CAMK1D: variants seen among roughly 807,000 people sequenced by gnomAD.
CAMK1D encodes the protein calcium/calmodulin-dependent protein kinase type 1D.
A neutral mutation model predicts 47.7 loss-of-function variants in CAMK1D; 9 were observed. The observed-to-expected ratio is 0.19, with a 90% confidence interval of 0.11 to 0.33. The LOEUF (loss-of-function observed/expected upper bound fraction) is 0.33, where lower values mean the gene tolerates loss of function less well. CAMK1D is among the 10% of genes least tolerant of loss of function. The pLI is 1.00. For synonymous variants in CAMK1D, 184 were observed against 184.9 expected (o/e 0.99, Z 0.04); for missense variants, 291 against 488.7 (o/e 0.60, Z 3.81).
chr10:12,428,464 G>GTT (rs1237173399), intron 1 of CAMK1D, among the ~76,000 whole-genome samples: 29 of 152,062 alleles, frequency 1.9e-4, no homozygotes, highest in Non-Finnish European at 3.8e-4. Flanking sequence ...CAAGGTGCCC[G>GTT]TTTCTCTCTC....
intron 3 of CAMK1D, among the ~76,000 whole-genome samples, chr10:12,697,485 G>T (rs535509563): frequency 2.6e-5 from 4 of 152,122 alleles, no homozygotes; most frequent in African/African-American, 9.7e-5. Flanking sequence ...TGCAACCTCC[G>T]CCTTCCCAGT....
chr10:12,800,678 A>C (rs1838386484), intron 6 of CAMK1D, among the ~76,000 whole-genome samples: 1 of 152,222 alleles, frequency 6.6e-6, no homozygotes, highest in African/African-American at 2.4e-5. Flanking sequence ...AACTGCATAA[A>C]AAATACTCCT....
intron 5 of CAMK1D, among the ~76,000 whole-genome samples, chr10:12,784,443 C>T (rs1322187274): frequency 6.6e-6 from 1 of 152,148 alleles, no homozygotes; most frequent in Non-Finnish European, 1.5e-5. Context: ...GGTGATTCAT[C>T]CTCCTTGGCC....
At chr10:12,428,200 G>A (rs1290738340) in intron 1 of CAMK1D, among the ~76,000 whole-genome samples, 1 of 151,974 alleles carries the variant, frequency 6.6e-6, no homozygotes, top group African/African-American at 2.4e-5. Context: ...AGGCCCAGGT[G>A]TGTGATGTTC....
In CAMK1D at chr10:12,804,279, T is replaced by G. The variant is rs185582193; in HGVS notation, c.642-9916T>G. On this transcript the variant is annotated intron_variant, in intron 6 of 10. Transcript: ENST00000619168. ...AGCATAAATATTTCACACAAAGTAT[T>G]TCTTGTTCATCAAAGAATAATCGAT... Among the ~76,000 whole-genome samples, 325 of 152,336 alleles carry G rather than the reference T, an allele frequency of 2.1e-3. 2 individuals carry two copies. Among genetic ancestry groups the G allele is most frequent in the African/African-American group, 7.4e-3 (309 of 41,582 alleles).
At chr10:12,448,652 C>A (rs2768450) in intron 1 of CAMK1D, among the ~76,000 whole-genome samples, 150,326 of 152,330 alleles carry the variant, frequency 0.99, 74,212 homozygotes, top group Middle Eastern at 1. Context: ...AAGTGAAAAA[C>A]ATTTTTTCGA....
chr10:12,393,109 C>T (rs955993808), intron 1 of CAMK1D, among the ~76,000 whole-genome samples: 1 of 151,438 alleles, frequency 6.6e-6, no homozygotes, highest in African/African-American at 2.4e-5. Flanking sequence ...TCTGCTCACT[C>T]CAAGCTCCGC....
intron 2 of CAMK1D, among the ~76,000 whole-genome samples, chr10:12,601,368 C>T (rs1838298071): frequency 6.6e-6 from 1 of 152,198 alleles, no homozygotes; most frequent in Non-Finnish European, 1.5e-5. Context: ...AACACATGAC[C>T]TGAGCTCTCT....
chr10:12,553,639 C>A (rs113504085), intron 2 of CAMK1D, among the ~76,000 whole-genome samples: 1 of 152,236 alleles, frequency 6.6e-6, no homozygotes, highest in South Asian at 2.1e-4. Flanking sequence ...TCCGAGTGAC[C>A]GTGGGCCGGC....
intron 3 of CAMK1D, among the ~76,000 whole-genome samples, chr10:12,688,475 A>C (rs1832742425): frequency 6.6e-6 from 1 of 152,218 alleles, no homozygotes; most frequent in African/African-American, 2.4e-5. Flanking sequence ...AATTACAAAC[A>C]GGTCAGTAGA....
chr10:12,750,348 T>C (rs1835889509), intron 3 of CAMK1D, among the ~76,000 whole-genome samples: 1 of 152,210 alleles, frequency 6.6e-6, no homozygotes, highest in Non-Finnish European at 1.5e-5. Flanking sequence ...TCATTCTAAA[T>C]GGTTTTCTGG....
intron 3 of CAMK1D, among the ~76,000 whole-genome samples, chr10:12,755,936 C>A (rs1055240531): frequency 8.5e-5 from 13 of 152,288 alleles, no homozygotes; most frequent in African/African-American, 3.1e-4. Flanking sequence ...TGAGACCTCA[C>A]AGCTCTTGCA....
At chr10:12,685,606 T>C (rs1564491276) in intron 3 of CAMK1D, among the ~76,000 whole-genome samples, 1 of 152,338 alleles carries the variant, frequency 6.6e-6, no homozygotes, top group East Asian at 1.9e-4. Flanking sequence ...TCATCATCTG[T>C]TTCCAGGAAT....
At chr10:12,698,273 C>T (rs1159065343) in intron 3 of CAMK1D, among the ~76,000 whole-genome samples, 1 of 152,166 alleles carries the variant, frequency 6.6e-6, no homozygotes, top group Non-Finnish European at 1.5e-5. Context: ...ATGTTTAAGA[C>T]ATTTACAGTT....
intron 1 of CAMK1D, among the ~76,000 whole-genome samples, chr10:12,420,664 T>A (rs1200186398): frequency 1.3e-5 from 2 of 152,150 alleles, no homozygotes; most frequent in African/African-American, 4.8e-5. Flanking sequence ...TGTTGGATAA[T>A]CCAGGAAGGT....
chr10:12,424,108 G>T (rs900298112), intron 1 of CAMK1D, among the ~76,000 whole-genome samples: 1 of 152,118 alleles, frequency 6.6e-6, no homozygotes, highest in African/African-American at 2.4e-5. Flanking sequence ...CCTGGTCCCG[G>T]GGCCACTCGG....
chr10:12,656,679 C>A (rs1207104414), intron 2 of CAMK1D, among the ~76,000 whole-genome samples: 3 of 152,162 alleles, frequency 2.0e-5, no homozygotes, highest in Admixed American at 6.5e-5. Flanking sequence ...ATTTAGGTAT[C>A]ATAGTCTTGG....
chr10:12,578,570 CA>C lies in CAMK1D; in HGVS notation c.224+25229del, dbSNP rs781669327. On this transcript the variant is annotated intron_variant, in intron 2 of 10. Coordinates refer to ENST00000619168, the MANE Select transcript of CAMK1D (RefSeq NM_153498.4). ...GGGCAACAAGAGCTAAACTCCATCT[CA>C]AAAAAAAAAAAAAAGTTTTGTAGAG... 1.9e-3 allele frequency among the ~76,000 whole-genome samples: 173 copies of C among 93,252 alleles called. 2 individuals are homozygous for C. The highest frequency in any genetic ancestry group is 0.015 in the Middle Eastern group (2 of 134). 61.2% of individuals were successfully genotyped at this position (93,252 alleles called of 152,430 possible). A position where few individuals can be genotyped will look rare whatever the true frequency, so the allele number is the denominator to read the frequency against.
At chr10:12,394,861 G>A (rs970469363) in intron 1 of CAMK1D, among the ~76,000 whole-genome samples, 6 of 152,062 alleles carry the variant, frequency 3.9e-5, no homozygotes, top group African/African-American at 1.4e-4. Context: ...GCCTGTAGCA[G>A]GGCTGTGATC....
Sources: gnomAD v4.1 joint callset for allele counts (sites outside exome capture counted in the v4.1 genomes callset) on GRCh38, gnomAD v4.1.1 for gene constraint, MANE v1.5 for transcripts, NCBI Gene and HGNC (gene_info 2026-07-23, HGNC 2026-07-21) for gene names.